The following SCML4 variants were observed in gnomAD, a reference collection of about 807,000 sequenced individuals.
The protein encoded by SCML4 is Scm polycomb group protein like 4.
A neutral mutation model predicts 41.1 loss-of-function variants in SCML4; 34 were observed. The ratio of observed to expected loss-of-function variants is 0.83; its 90% CI spans 0.63 to 1.10. SCML4 has a LOEUF of 1.10. Among genes scored for constraint, SCML4 ranks in the 50% least tolerant of loss-of-function variants. The pLI is 0.00. For missense variants in SCML4, 522 were observed against 534.1 expected, an observed-to-expected ratio of 0.98 and a Z score of 0.22; for synonymous variants, 214 against 220.9, an observed-to-expected ratio of 0.97 and a Z score of 0.28.
At chr6:107,839,351 A>G in the SCML4 span, among the ~76,000 whole-genome samples, 11 of 45,574 alleles carry the variant, frequency 2.4e-4, no homozygotes, top group South Asian at 2.0e-3. Context: ...AAAAGAAAGA[A>G]AGAAAGAAAG....
the SCML4 span, among the ~76,000 whole-genome samples, chr6:107,843,037 A>G: frequency 6.6e-6 from 1 of 151,994 alleles, no homozygotes; most frequent in Non-Finnish European, 1.5e-5. Context: ...ATATTTTTAT[A>G]TTTCATGTGA....
At chr6:107,708,822 G>A (rs1773947360) in intron 6 of SCML4, among the ~76,000 whole-genome samples, 1 of 152,218 alleles carries the variant, frequency 6.6e-6, no homozygotes, top group Non-Finnish European at 1.5e-5. Context: ...GAAGGAGGAA[G>A]ACAGCAATGA....
At chr6:107,814,467 T>C (rs1483704109) in intron 1 of SCML4, among the ~76,000 whole-genome samples, 8 of 152,262 alleles carry the variant, frequency 5.3e-5, no homozygotes, top group Non-Finnish European at 1.2e-4. Flanking sequence ...ATACCCACAA[T>C]GTCTGCAACA....
At chr6:107,746,422 A>G in intron 4 of SCML4, 1 of 431,266 alleles carries the variant, frequency 2.3e-6, no homozygotes, top group African/African-American at 2.0e-5. Context: ...AAAAAAAAGC[A>G]AAAACCGGTG....
At position 107,736,779 on chromosome 6, in the gene SCML4, C is replaced by T. The variant is rs75430073; in HGVS notation, c.682+8170G>A. On this transcript the variant is annotated intron_variant, in intron 5 of 7. Coordinates refer to ENST00000369020, the MANE Select transcript of SCML4 (RefSeq NM_198081.5). ...TCAATGCTGAGTGTATAGGTTCAAC[C>T]GTAATGGAACACTGTGAGTGACTAT... is the stretch of plus-strand genomic sequence containing the variant. Among the ~76,000 whole-genome samples the T allele has an allele frequency of 6.2e-3, 948 of 152,202 alleles. 5 individuals carry two copies. Among genetic ancestry groups the T allele is most frequent in the Non-Finnish European group, 9.8e-3 (670 of 68,022 alleles).
chr6:107,721,142 T>G, intron 5 of SCML4, 149 bp from the exon 6 acceptor site: 2 of 944,492 alleles, frequency 2.1e-6, no homozygotes, highest in South Asian at 2.2e-5. Context: ...ACAACATAAT[T>G]CCAAATAGCA....
chr6:107,730,547 T>C (rs771323988), intron 5 of SCML4, among the ~76,000 whole-genome samples: 1 of 152,226 alleles, frequency 6.6e-6, no homozygotes, highest in Non-Finnish European at 1.5e-5. Context: ...GAGACTAATG[T>C]TGCCATTTAA....
intron 1 of SCML4, among the ~76,000 whole-genome samples, chr6:107,804,570 T>C (rs1026187224): frequency 8.5e-5 from 13 of 152,250 alleles, no homozygotes; most frequent in African/African-American, 3.1e-4. Context: ...TGTGTATATA[T>C]GTACAGACAC....
chr6:107,835,232 G>A, the SCML4 span, among the ~76,000 whole-genome samples: 1 of 152,026 alleles, frequency 6.6e-6, no homozygotes, highest in Non-Finnish European at 1.5e-5. Flanking sequence ...GTGGTGGCAT[G>A]TGCCTGTAGT....
intron 5 of SCML4, among the ~76,000 whole-genome samples, chr6:107,738,583 T>C (rs1042978255): frequency 6.6e-6 from 1 of 151,900 alleles, no homozygotes; most frequent in Non-Finnish European, 1.5e-5. Context: ...TTCGTACCAC[T>C]GCACTCCAGC....
intron 1 of SCML4, among the ~76,000 whole-genome samples, chr6:107,811,210 C>T (rs144818269): frequency 2.3e-3 from 353 of 152,310 alleles, no homozygotes; most frequent in African/African-American, 7.8e-3. Flanking sequence ...GTAAGCCACC[C>T]AGTCTGCAGG....
chr6:107,808,086 C>A (rs1158281031), intron 1 of SCML4, among the ~76,000 whole-genome samples: 2 of 152,110 alleles, frequency 1.3e-5, no homozygotes, highest in African/African-American at 2.4e-5. Flanking sequence ...TACTCCCCAC[C>A]CTTTGTGTCT....
chr6:107,834,528 A>G, the SCML4 span, among the ~76,000 whole-genome samples: 1,849 of 152,326 alleles, frequency 0.012, 72 homozygotes, highest in East Asian at 0.15. Context: ...TGGGGTTCAG[A>G]TGGGGCAGGC....
chr6:107,825,936 CAAAAA>C (rs71015515), upstream of SCML4, among the ~76,000 whole-genome samples: 10 of 62,654 alleles, frequency 1.6e-4, no homozygotes, highest in Admixed American at 4.7e-4. Flanking sequence ...GACTCCATCT[CAAAAA>C]AAAAAAAAAA....
intron 1 of SCML4, among the ~76,000 whole-genome samples, chr6:107,804,058 AAAG>A (rs1359940724): frequency 8.8e-5 from 7 of 79,774 alleles, no homozygotes; most frequent in African/African-American, 3.7e-4. Context: ...ACAAAAAAAA[AAAG>A]AAAAAGAAAA....
chr6:107,823,014 T>TA (rs11423518), intron 1 of SCML4, among the ~76,000 whole-genome samples: 139,180 of 147,094 alleles, frequency 0.95, 66,047 homozygotes, highest in Non-Finnish European at 0.99. Context: ...TATTTTGCTT[T>TA]AAAAAAAAAA....
intron 3 of SCML4, among the ~76,000 whole-genome samples, chr6:107,747,436 T>A (rs773657875): frequency 6.6e-6 from 1 of 152,136 alleles, no homozygotes; most frequent in African/African-American, 2.4e-5. Context: ...ACCCAGTCAA[T>A]GGTTTCCACA....
chr6:107,806,163 C>T (rs1432364189), intron 1 of SCML4, among the ~76,000 whole-genome samples: 2 of 139,946 alleles, frequency 1.4e-5, no homozygotes, highest in African/African-American at 2.7e-5. Context: ...CTTCTCAACT[C>T]AAGGACAATC....
chr6:107,775,286 A>G (rs1413813701), intron 1 of SCML4, among the ~76,000 whole-genome samples: 1 of 152,178 alleles, frequency 6.6e-6, no homozygotes, highest in Non-Finnish European at 1.5e-5. Context: ...CTCCTTCCTC[A>G]GTTAACTCAA....
Sources: gnomAD v4.1 joint callset for allele counts (sites outside exome capture counted in the v4.1 genomes callset) on GRCh38, gnomAD v4.1.1 for gene constraint, MANE v1.5 for transcripts, NCBI Gene and HGNC (gene_info 2026-07-23, HGNC 2026-07-21) for gene names.